The following CYYR1 variants were observed in gnomAD, a reference collection of about 807,000 sequenced individuals.
The protein encoded by CYYR1 is cysteine and tyrosine rich 1.
Under a neutral mutation model 15.2 loss-of-function variants are expected in CYYR1, and 14 were observed. The ratio of observed to expected loss-of-function variants is 0.92; its 90% confidence interval spans 0.61 to 1.44. The LOEUF is 1.44. Among genes scored for constraint, CYYR1 ranks in the 40% most tolerant of loss-of-function variants. The probability of loss-of-function intolerance (pLI) is 0.00; values close to 1 mark genes in which losing one functional copy is unlikely to be tolerated. For missense variants in CYYR1, 228 were observed against 209.5 expected (o/e 1.09, Z -0.54); for synonymous variants, 80 against 77.4 (o/e 1.03, Z -0.18).
intron 3 of CYYR1, chr21:26,477,937 T>C (rs2065124781): frequency 1.5e-6 from 2 of 1,352,346 alleles, no homozygotes; most frequent in African/African-American, 1.5e-5. Flanking sequence ...CATGTTACTT[T>C]TGTAGTGAGT....
chr21:26,477,995 T>C lies in CYYR1; in HGVS notation c.334+2277A>G, dbSNP rs930171606. 63 of 1,524,646 alleles carry C rather than the reference T, an allele frequency of 4.1e-5. 1 individual carries two copies. The East Asian group carries it at 1.3e-3, about 31-fold the overall frequency. 94.4% of individuals were successfully genotyped at this position (1,524,646 alleles called of 1,614,324 possible). On this transcript the variant is annotated intron_variant, in intron 3 of 3. Transcript: ENST00000652641. The stretch of plus-strand genomic sequence containing the variant: ...GTCAATTCCCTAGGGTATTGATATA[T>C]GATTAATTCAGGTCTTTTCATGAGT...
intron 2 of CYYR1, among the ~76,000 whole-genome samples, chr21:26,526,742 G>GTAT (rs1313052560): frequency 1.3e-5 from 2 of 152,124 alleles, no homozygotes; most frequent in Non-Finnish European, 2.9e-5. Flanking sequence ...GGTCAACCAG[G>GTAT]TATTAGCTAA....
intron 2 of CYYR1, among the ~76,000 whole-genome samples, chr21:26,483,730 G>A (rs1259784024): frequency 2.0e-5 from 3 of 152,068 alleles, no homozygotes; most frequent in East Asian, 1.9e-4. Flanking sequence ...GGAGGCTTAC[G>A]GGTTTAAGTC....
chr21:26,508,410 T>A (rs116336323), intron 2 of CYYR1, among the ~76,000 whole-genome samples: 6,029 of 152,172 alleles, frequency 0.04, 389 homozygotes, highest in African/African-American at 0.14. Flanking sequence ...GATTTGAGGT[T>A]GGGTTGGATT....
At chr21:26,530,534 A>T (rs572326968) in intron 2 of CYYR1, among the ~76,000 whole-genome samples, 13 of 152,194 alleles carry the variant, frequency 8.5e-5, no homozygotes, top group South Asian at 6.2e-4. Flanking sequence ...ACATATGTAT[A>T]CACGTGCCAT....
intron 1 of CYYR1, among the ~76,000 whole-genome samples, chr21:26,572,017 G>A (rs955168569): frequency 6.6e-6 from 1 of 152,196 alleles, no homozygotes; most frequent in African/African-American, 2.4e-5. Context: ...ATCTTTTTGA[G>A]TATCAAAGGT....
rs1001356456 is a variant in CYYR1, at chr21:26,481,689, T to C, written c.177-1260A>G. ...ATTGTGAACAGTGCTGCAATGAACATTTGCATGCATGTGTCTTTATGGTAG... is the reference window on the plus strand; with the variant it reads ...ATTGTGAACAGTGCTGCAATGAACACTTGCATGCATGTGTCTTTATGGTAG... On this transcript the variant is annotated intron_variant, in intron 2 of 3. Coordinates refer to ENST00000652641, the MANE Select transcript of CYYR1 (RefSeq NM_001320768.2). Among the ~76,000 whole-genome samples, 14 of 152,024 alleles carry C rather than the reference T, an allele frequency of 9.2e-5. 1 individual carries two copies. Among genetic ancestry groups the C allele is most frequent in the Admixed American group, 1.3e-4 (2 of 15,246 alleles).
At chr21:26,545,727 C>T (rs1601815924) in intron 2 of CYYR1, among the ~76,000 whole-genome samples, 2 of 151,954 alleles carry the variant, frequency 1.3e-5, no homozygotes, top group East Asian at 3.9e-4. Context: ...CTACAGGCGC[C>T]TGCCACCACG....
At chr21:26,568,384 T>C (rs537081996) in intron 1 of CYYR1, 2 of 152,190 alleles carry the variant, frequency 1.3e-5, no homozygotes, top group African/African-American at 2.4e-5. Flanking sequence ...ACTCAATAAA[T>C]GGTGTTGGAT....
chr21:26,469,647 CCTT>C (rs879705221), intron 3 of CYYR1, among the ~76,000 whole-genome samples: 13 of 152,060 alleles, frequency 8.5e-5, no homozygotes, highest in Non-Finnish European at 1.9e-4. Context: ...TTAGTATCCT[CCTT>C]CTACCCATTT....
At chr21:26,521,476 T>C (rs1379981427) in intron 2 of CYYR1, among the ~76,000 whole-genome samples, 1 of 152,224 alleles carries the variant, frequency 6.6e-6, no homozygotes, top group African/African-American at 2.4e-5. Context: ...TGAATGGACA[T>C]CAAATTCAAT....
At chr21:26,491,195 C>A (rs1204299430) in intron 2 of CYYR1, among the ~76,000 whole-genome samples, 2 of 152,142 alleles carry the variant, frequency 1.3e-5, no homozygotes, top group African/African-American at 4.8e-5. Context: ...CTTCCAGATA[C>A]AATACTCTCA....
At chr21:26,489,028 A>G (rs1424054533) in intron 2 of CYYR1, among the ~76,000 whole-genome samples, 1 of 152,180 alleles carries the variant, frequency 6.6e-6, no homozygotes, top group Non-Finnish European at 1.5e-5. Context: ...CAGTTTAAAC[A>G]AAAGCAAATA....
chr21:26,483,606 C>T (rs181078996), intron 2 of CYYR1, among the ~76,000 whole-genome samples: 3 of 152,132 alleles, frequency 2.0e-5, no homozygotes, highest in South Asian at 2.1e-4. Flanking sequence ...GCCAATATCC[C>T]GGAGCTTGGA....
At chr21:26,515,512 C>T (rs777918516) in intron 2 of CYYR1, among the ~76,000 whole-genome samples, 10 of 151,992 alleles carry the variant, frequency 6.6e-5, no homozygotes, top group Admixed American at 2.0e-4. Context: ...AGTCACATAC[C>T]ATCATGCCCG....
At chr21:26,545,746 A>AT (rs905927339) in intron 2 of CYYR1, among the ~76,000 whole-genome samples, 8 of 150,570 alleles carry the variant, frequency 5.3e-5, no homozygotes, top group South Asian at 2.1e-4. Flanking sequence ...CGCCCGGCTA[A>AT]TTTTTTTTGT....
intron 2 of CYYR1, among the ~76,000 whole-genome samples, chr21:26,544,098 A>G (rs982519337): frequency 1.3e-5 from 2 of 152,158 alleles, no homozygotes; most frequent in Admixed American, 1.3e-4. Context: ...ACTGTCTGAC[A>G]GATACAGTGA....
chr21:26,499,969 A>G (rs2123472641), intron 2 of CYYR1, among the ~76,000 whole-genome samples: 1 of 152,182 alleles, frequency 6.6e-6, no homozygotes, highest in South Asian at 2.1e-4. Flanking sequence ...TATGACAAAT[A>G]CCACAGGCTA....
intron 2 of CYYR1, among the ~76,000 whole-genome samples, chr21:26,503,874 C>T (rs558551654): frequency 7.2e-5 from 11 of 152,284 alleles, no homozygotes; most frequent in Non-Finnish European, 1.5e-4. Context: ...GCATTTTCTT[C>T]ATGGAAGACG....
Sources: gnomAD v4.1 joint callset for allele counts (sites outside exome capture counted in the v4.1 genomes callset) on GRCh38, gnomAD v4.1.1 for gene constraint, MANE v1.5 for transcripts, NCBI Gene and HGNC (gene_info 2026-07-23, HGNC 2026-07-21) for gene names.